Variants in CNTNAP5 observed in about 807,000 individuals in gnomAD.
The protein encoded by CNTNAP5 is contactin-associated protein-like 5.
In CNTNAP5, 72 loss-of-function variants were observed where a neutral mutation model predicts 150.2. That is an observed-to-expected ratio of 0.48 (90% CI 0.40 to 0.58). The LOEUF is 0.58. CNTNAP5 is among the 20% of genes least tolerant of loss of function. The pLI is 0.00. For missense variants in CNTNAP5, 1,636 were observed against 1,626.2 expected, an observed-to-expected ratio of 1.01 and a Z score of -0.10; for synonymous variants, 672 against 619.8, an observed-to-expected ratio of 1.08 and a Z score of -1.25.
intron 3 of CNTNAP5, among the ~76,000 whole-genome samples, chr2:124,407,057 A>G (rs1382626936): frequency 6.6e-6 from 1 of 152,218 alleles, no homozygotes; most frequent in Non-Finnish European, 1.5e-5. Flanking sequence ...GCTGAATAAT[A>G]CATATACTAC....
At chr2:124,716,573 C>T (rs1679948915) in intron 13 of CNTNAP5, among the ~76,000 whole-genome samples, 1 of 151,162 alleles carries the variant, frequency 6.6e-6, no homozygotes, top group Non-Finnish European at 1.5e-5. Flanking sequence ...TTTTGCATTA[C>T]ACTGTAAACA....
intron 11 of CNTNAP5, among the ~76,000 whole-genome samples, chr2:124,575,790 G>C (rs150162589): frequency 5.3e-4 from 80 of 152,230 alleles, no homozygotes; most frequent in African/African-American, 1.8e-3. Context: ...TATTACTCTT[G>C]CAAAATAGGT....
At chr2:124,638,678 T>C (rs553708175) in intron 12 of CNTNAP5, among the ~76,000 whole-genome samples, 71 of 152,346 alleles carry the variant, frequency 4.7e-4, no homozygotes, top group Non-Finnish European at 8.5e-4. Flanking sequence ...TTCATCTTGT[T>C]CTTATCCAAC....
chr2:124,146,467 G>A (rs1023453263), intron 1 of CNTNAP5, among the ~76,000 whole-genome samples: 1 of 151,848 alleles, frequency 6.6e-6, no homozygotes, highest in East Asian at 1.9e-4. Context: ...TAAAGAGAGA[G>A]AAATGTTCAC....
chr2:124,312,624 G>T (rs573307748), intron 3 of CNTNAP5, among the ~76,000 whole-genome samples: 11 of 152,314 alleles, frequency 7.2e-5, no homozygotes, highest in African/African-American at 2.2e-4. Flanking sequence ...AGGCCGGACT[G>T]CAGTGGCACT....
intron 13 of CNTNAP5, among the ~76,000 whole-genome samples, chr2:124,741,776 A>G (rs1680502033): frequency 6.6e-6 from 1 of 152,142 alleles, no homozygotes; most frequent in Admixed American, 6.6e-5. Flanking sequence ...GATTTAACAA[A>G]TGAAGATGCA....
intron 20 of CNTNAP5, among the ~76,000 whole-genome samples, chr2:124,868,710 G>A (rs1019378913): frequency 1.3e-5 from 2 of 152,162 alleles, no homozygotes; most frequent in Non-Finnish European, 2.9e-5. Flanking sequence ...GTTCTGAGCA[G>A]ACGTGCCAAA....
chr2:124,149,247 A>G (rs969061493), intron 1 of CNTNAP5, among the ~76,000 whole-genome samples: 1 of 151,940 alleles, frequency 6.6e-6, no homozygotes, highest in African/African-American at 2.4e-5. Context: ...GGGTCCCTAT[A>G]TCTTATATTT....
intron 11 of CNTNAP5, among the ~76,000 whole-genome samples, chr2:124,580,095 C>T (rs997954232): frequency 7.9e-5 from 12 of 152,204 alleles, no homozygotes; most frequent in African/African-American, 2.7e-4. Context: ...GAAATCCTGT[C>T]CCCACCTTAC....
At chr2:124,484,622 G>T (rs565072633) in intron 7 of CNTNAP5, among the ~76,000 whole-genome samples, 1 of 152,224 alleles carries the variant, frequency 6.6e-6, no homozygotes, top group East Asian at 1.9e-4. Context: ...GCCTCACTCT[G>T]CTCACCATTT....
chr2:124,609,888 T>A lies in CNTNAP5; in HGVS notation c.1844T>A (p.Leu615Gln), dbSNP rs577113054. 1 of 1,613,960 alleles carries A rather than the reference T, an allele frequency of 6.2e-7. No individual in the cohort carries two copies. The highest frequency in any genetic ancestry group is 1.1e-5 in the South Asian group (1 of 91,084). Residue 615 changes from leucine (L) to glutamine (Q), a missense_variant, in exon 12 of 24, where the codon CTG becomes CAG. By Grantham distance (113) the Leu-to-Gln change is moderately radical. Transcript: ENST00000682447. ...FYIDSDGSGP[L>Q]GPLQVYCNIT... ...ATCGACTCAGATGGCAGCGGCCCAC[T>A]GGGACCTCTCCAGGTGTACTGCAAT...
intron 13 of CNTNAP5, among the ~76,000 whole-genome samples, chr2:124,730,948 T>G (rs1320945274): frequency 6.6e-6 from 1 of 152,138 alleles, no homozygotes. Flanking sequence ...CTGATGATCC[T>G]CTGGCCACTT....
intron 13 of CNTNAP5, among the ~76,000 whole-genome samples, chr2:124,736,450 A>G (rs1680383960): frequency 6.6e-6 from 1 of 152,126 alleles, no homozygotes; most frequent in African/African-American, 2.4e-5. Context: ...AGGATTCATA[A>G]GTGTTTTGCC....
At chr2:124,642,071 A>T (rs1678104689) in intron 12 of CNTNAP5, among the ~76,000 whole-genome samples, 1 of 152,200 alleles carries the variant, frequency 6.6e-6, no homozygotes, top group African/African-American at 2.4e-5. Flanking sequence ...GTGGCTCTGT[A>T]TGTAAACTGT....
At chr2:124,891,363 G>T (rs1274612481) in intron 21 of CNTNAP5, among the ~76,000 whole-genome samples, 1 of 152,056 alleles carries the variant, frequency 6.6e-6, no homozygotes, top group Non-Finnish European at 1.5e-5. Flanking sequence ...AGAACTGGCA[G>T]GGAATAATTT....
intron 17 of CNTNAP5, among the ~76,000 whole-genome samples, chr2:124,784,387 A>G (rs1436109390): frequency 3.9e-5 from 6 of 152,224 alleles, no homozygotes; most frequent in Non-Finnish European, 8.8e-5. Context: ...AGCAATGAGC[A>G]TTTGTCCAAC....
In CNTNAP5 at chr2:124,872,772, G is replaced by A. The variant is rs886495843; in HGVS notation, c.3436+3010G>A. ...TTCATGGCCCCTGCTCTGTGTAATG[G>A]AAGTTCCAATAATACCCTCTTGTTA... On this transcript the variant is annotated intron_variant, in intron 21 of 23. Coordinates refer to ENST00000682447, the MANE Select transcript of CNTNAP5 (RefSeq NM_001367498.1). Among the ~76,000 whole-genome samples, 78 of 151,492 alleles carry A rather than the reference G, an allele frequency of 5.1e-4. 2 individuals carry two copies. The highest frequency in any genetic ancestry group is 1.1e-3 in the Non-Finnish European group (72 of 67,894).
intron 1 of CNTNAP5, among the ~76,000 whole-genome samples, chr2:124,049,045 A>G (rs1438916879): frequency 6.6e-6 from 1 of 152,184 alleles, no homozygotes; most frequent in Non-Finnish European, 1.5e-5. Flanking sequence ...TGCTTCCCCC[A>G]TTTGCTTAGC....
In CNTNAP5 at chr2:124,219,885, C is replaced by T. The variant is rs190639925; in HGVS notation, c.83-1820C>T. ...CTGTTCACCAAATGACCATAACTGC[C>T]GAGAAACCATATCTGCGATTTTTAT... On this transcript the variant is annotated intron_variant, in intron 1 of 23. Transcript: ENST00000682447. Among the ~76,000 whole-genome samples the T allele has an allele frequency of 2.6e-3, 393 of 152,012 alleles. 2 individuals are homozygous for T. Among genetic ancestry groups the T allele is most frequent in the Non-Finnish European group, 4.4e-3 (299 of 67,968 alleles).
Sources: allele counts gnomAD v4.1 joint callset (sites outside exome capture counted in the v4.1 genomes callset), GRCh38; gene constraint gnomAD v4.1.1; transcripts MANE v1.5; gene names NCBI Gene and HGNC (gene_info 2026-07-23, HGNC 2026-07-21).